MCM8: variants seen among roughly 807,000 people sequenced by gnomAD.
MCM8 encodes minichromosome maintenance 8 homologous recombination repair factor.
MCM8 carries 85 observed loss-of-function variants against 98.9 expected under a neutral mutation model. The observed-to-expected ratio is 0.86, with a 90% confidence interval of 0.72 to 1.03. The LOEUF is 1.03. Among genes scored for constraint, MCM8 ranks in the 50% least tolerant of loss-of-function variants. The probability of loss-of-function intolerance (pLI) is 0.00; values close to 1 mark genes in which losing one functional copy is unlikely to be tolerated. For synonymous variants in MCM8, 352 were observed against 338.6 expected (o/e 1.04, Z -0.44); for missense variants, 951 against 997.8 (o/e 0.95, Z 0.63).
chr20:5,986,918 C>T (rs1356566583), intron 16 of MCM8, among the ~76,000 whole-genome samples: 2 of 152,154 alleles, frequency 1.3e-5, no homozygotes, highest in Non-Finnish European at 2.9e-5. Flanking sequence ...CCTCTCCTCC[C>T]AGGCTCAAGG....
intron 12 of MCM8, among the ~76,000 whole-genome samples, chr20:5,977,052 A>G (rs997666475): frequency 6.6e-6 from 1 of 152,238 alleles, no homozygotes; most frequent in East Asian, 1.9e-4. Flanking sequence ...ACCACCTAGT[A>G]AACCATCATA....
intron 10 of MCM8, among the ~76,000 whole-genome samples, chr20:5,968,588 C>T (rs1436537534): frequency 6.6e-6 from 1 of 152,074 alleles, no homozygotes; most frequent in Non-Finnish European, 1.5e-5. Context: ...AAATAAAGTT[C>T]TATTGGAACA....
intron 8 of MCM8, among the ~76,000 whole-genome samples, chr20:5,964,061 T>C (rs2089218880): frequency 6.6e-6 from 1 of 152,128 alleles, no homozygotes; most frequent in African/African-American, 2.4e-5. Context: ...AAATGGCATG[T>C]TTCATTTTAT....
chr20:5,973,855 G>A (rs2089455478), intron 12 of MCM8, among the ~76,000 whole-genome samples: 1 of 152,110 alleles, frequency 6.6e-6, no homozygotes. Flanking sequence ...GGGTTTTGCT[G>A]TGTTGGCCAG....
intron 7 of MCM8, among the ~76,000 whole-genome samples, chr20:5,963,040 C>T (rs559562707): frequency 1.3e-5 from 2 of 152,246 alleles, no homozygotes; most frequent in Admixed American, 6.5e-5. Flanking sequence ...ATACCCATAG[C>T]AGGATACGAA....
intron 3 of MCM8, among the ~76,000 whole-genome samples, chr20:5,952,963 A>G (rs541185636): frequency 1.3e-5 from 2 of 152,322 alleles, no homozygotes; most frequent in East Asian, 1.9e-4. Context: ...CTACAAAGCT[A>G]TGCTTGGACT....
At chr20:5,971,018 T>C (rs373407288) in intron 10 of MCM8, among the ~76,000 whole-genome samples, 1 of 152,154 alleles carries the variant, frequency 6.6e-6, no homozygotes, top group East Asian at 1.9e-4. Flanking sequence ...CTCACTTTGT[T>C]GCACAGGCTA....
rs1000849062 is a variant in MCM8 at position 5,955,183 on chromosome 20, G to GAT, written c.422_423dup (p.Ala142Ter). ...TGGTGAAGTAACTAACTTGATACCA[G>GAT]ATATAGCAACTGAACTAAGAGATGC... On this transcript the variant is annotated frameshift_variant, in exon 5 of 19. Coordinates refer to ENST00000610722, the MANE Select transcript of MCM8 (RefSeq NM_032485.6). LOFTEE classifies it high-confidence loss of function. The GAT allele has an allele frequency of 1.9e-6, 3 of 1,613,810 alleles. No homozygotes were observed. In the African/African-American group the frequency reaches 4.0e-5, roughly 22 times the overall value.
At chr20:5,992,405 G>T (rs1459511789) in intron 17 of MCM8, among the ~76,000 whole-genome samples, 1 of 152,124 alleles carries the variant, frequency 6.6e-6, no homozygotes, top group African/African-American at 2.4e-5. Context: ...TAAATCACAG[G>T]ATTGCTGGGA....
Position 5,994,983 on chromosome 20 carries a change from A to C in MCM8, c.*592A>C, listed in dbSNP as rs1000313831. On this transcript the variant is annotated 3_prime_UTR_variant, in exon 19 of 19. Transcript: ENST00000610722. The stretch of plus-strand genomic sequence containing the variant: ...ATAAATTCTCCAAAGGGCTAAAAGT[A>C]AATTACTTATAAATTTTTTATAGTT... 7.4e-5 allele frequency: 13 copies of C among 175,294 alleles called. No individual in the cohort carries two copies. The highest frequency in any genetic ancestry group is 1.2e-5 in the Non-Finnish European group (1 of 80,458). 10.9% of individuals were successfully genotyped at this position (175,294 alleles called of 1,614,324 possible).
intron 16 of MCM8, 73 bp downstream of exon 16, chr20:5,986,204 T>C: frequency 2.9e-6 from 4 of 1,356,588 alleles, no homozygotes; most frequent in Non-Finnish European, 4.2e-6. Context: ...TCTTTTGAAG[T>C]ATTTTCTGCA....
chr20:5,997,042 G>C lies in MCM8; in HGVS notation c.*2651G>C, dbSNP rs2089966529. 1.3e-5 allele frequency: 2 copies of C among 152,298 alleles called. No individual in the cohort carries two copies. The highest frequency in any genetic ancestry group is 4.8e-5 in the African/African-American group (2 of 41,438). The allele number at this position is 152,298 out of a possible 1,614,324, so 9.4% of individuals were successfully genotyped here. A position where few individuals can be genotyped will look rare whatever the true frequency, so the allele number is the denominator to read the frequency against. ...CTGGTGTGGCATGGCACGCCCTCTT[G>C]GGAGATGAAAGTAATCTTCCATAGG... On this transcript the variant is annotated 3_prime_UTR_variant, in exon 19 of 19. Coordinates refer to ENST00000610722, the MANE Select transcript of MCM8 (RefSeq NM_032485.6).
At chr20:5,975,370 G>A (rs893791792) in intron 12 of MCM8, among the ~76,000 whole-genome samples, 5 of 152,106 alleles carry the variant, frequency 3.3e-5, no homozygotes, top group Middle Eastern at 3.4e-3. Context: ...ATACCTGTTC[G>A]TGTGTGTAAC....
chr20:5,972,671 C>T lies in MCM8; in HGVS notation c.1255-385C>T, dbSNP rs1429222754. The T allele has an allele frequency of 4.0e-6, 4 of 1,007,908 alleles. No individual in the cohort carries two copies. In the Admixed American group the frequency reaches 9.2e-5, roughly 23 times the overall value. 62.4% of individuals were successfully genotyped at this position (1,007,908 alleles called of 1,614,324 possible). Reference sequence around the variant, plus strand: ...CCAAGTTCAAACAGTTCTCCCACCTCAGCCTGCCGAGTAGCTGGGACTACA... The same window carrying T: ...CCAAGTTCAAACAGTTCTCCCACCTTAGCCTGCCGAGTAGCTGGGACTACA... On this transcript the variant is annotated intron_variant, in intron 11 of 18. Coordinates refer to ENST00000610722, the MANE Select transcript of MCM8 (RefSeq NM_032485.6).
chr20:5,952,503 A>C lies in MCM8; in HGVS notation c.228A>C (p.Lys76Asn). The change falls in exon 3 of 19, where the codon AAA becomes AAC. Residue 76 changes from lysine (K) to asparagine (N), a missense_variant. Coordinates refer to ENST00000610722, the MANE Select transcript of MCM8 (RefSeq NM_032485.6). The stretch of plus-strand genomic sequence containing the variant: ...CATTGGATCGATTCATACCATATAA[A>C]GGCTGGAAGCTTTATTTCTCTGAAG... ...QSTLDRFIPY[K>N]GWKLYFSEVY... 6.2e-7 allele frequency: 1 copy of C among 1,613,980 alleles called. No homozygotes were observed. Among genetic ancestry groups the C allele is most frequent in the Non-Finnish European group, 8.5e-7 (1 of 1,179,968 alleles).
chr20:5,971,591 G>C (rs1330125761), intron 10 of MCM8, among the ~76,000 whole-genome samples: 1 of 152,098 alleles, frequency 6.6e-6, no homozygotes, highest in Non-Finnish European at 1.5e-5. Flanking sequence ...TCCCATCTTA[G>C]AGTATTATAT....
chr20:5,982,182 C>T (rs1175908503), intron 13 of MCM8, among the ~76,000 whole-genome samples: 2 of 152,270 alleles, frequency 1.3e-5, no homozygotes, highest in Admixed American at 6.5e-5. Context: ...CATTAGTTTA[C>T]AATATTTGTC....
chr20:5,953,300 C>T (rs184036591), intron 3 of MCM8, among the ~76,000 whole-genome samples: 39 of 152,170 alleles, frequency 2.6e-4, no homozygotes, highest in Non-Finnish European at 4.6e-4. Flanking sequence ...ACAAATACAG[C>T]TTTGTGTAGA....
intron 17 of MCM8, among the ~76,000 whole-genome samples, chr20:5,988,066 T>A (rs1030244688): frequency 5.3e-5 from 8 of 152,208 alleles, no homozygotes; most frequent in African/African-American, 1.7e-4. Context: ...AGACATAGAT[T>A]TTTAAAAATC....
Sources: gnomAD v4.1 joint callset for allele counts (sites outside exome capture counted in the v4.1 genomes callset) on GRCh38, gnomAD v4.1.1 for gene constraint, MANE v1.5 for transcripts, NCBI Gene and HGNC (gene_info 2026-07-23, HGNC 2026-07-21) for gene names.